GYPB: variants seen among roughly 807,000 people sequenced by gnomAD.
GYPB encodes the protein glycophorin-B.
In GYPB, 13 loss-of-function variants were observed where a neutral mutation model predicts 15.3. That is an observed-to-expected ratio of 0.85 (90% CI 0.55 to 1.35). The LOEUF is 1.35. GYPB is among the 40% of genes most tolerant of loss of function. The pLI, the probability that GYPB is intolerant of heterozygous loss-of-function variation, is 0.00. For missense variants in GYPB, 131 were observed against 108.3 expected (o/e 1.21, Z -0.93); for synonymous variants, 38 against 36.9 (o/e 1.03, Z -0.11).
At chr4:143,997,508 A>G (rs1727383239) in intron 4 of GYPB, 32 bp downstream of exon 4, 3 of 1,261,086 alleles carry the variant, frequency 2.4e-6, no homozygotes, top group Non-Finnish European at 3.5e-6. Context: ...TCACACTGGT[A>G]TTTAGAGCAA....
chr4:144,013,470 G>A (rs552677813), intron 1 of GYPB, among the ~76,000 whole-genome samples: 10 of 151,332 alleles, frequency 6.6e-5, no homozygotes, highest in South Asian at 2.1e-4. Flanking sequence ...ACATGCACAC[G>A]TATGTTTATT....
intron 1 of GYPB, among the ~76,000 whole-genome samples, chr4:144,008,215 A>G (rs1315642196): frequency 6.6e-6 from 1 of 151,502 alleles, no homozygotes; most frequent in Non-Finnish European, 1.5e-5. Context: ...CTATGTAACT[A>G]CAGAACTGTC....
chr4:143,999,326 TAG>T (rs1219104408), intron 3 of GYPB, 83 bp downstream of exon 3: 1 of 731,228 alleles, frequency 1.4e-6, no homozygotes, highest in Non-Finnish European at 2.4e-6. Context: ...TGTTTTAAGA[TAG>T]ACACATTTTC....
intron 1 of GYPB, among the ~76,000 whole-genome samples, chr4:144,015,275 AT>A (rs1172588227): frequency 6.6e-6 from 1 of 151,232 alleles, no homozygotes; most frequent in African/African-American, 2.5e-5. Flanking sequence ...TAAGCCCGGA[AT>A]TTTTTTTCAA....
At chr4:144,016,140 GAAAAA>G (rs10594193) in intron 1 of GYPB, among the ~76,000 whole-genome samples, 2,199 of 38,924 alleles carry the variant, frequency 0.056, 29 homozygotes, top group African/African-American at 0.064. Context: ...TTGGATCCCT[GAAAAA>G]AAAAAAAAAA....
chr4:143,997,741 A>T, intron 3 of GYPB, 107 bp from the exon 4 acceptor site: 1 of 696,682 alleles, frequency 1.4e-6, no homozygotes, highest in South Asian at 1.5e-5. Flanking sequence ...TTTAATACAA[A>T]GTACAGTTAA....
chr4:143,998,261 ATATGT>A (rs1204306846), intron 3 of GYPB, among the ~76,000 whole-genome samples: 2 of 151,490 alleles, frequency 1.3e-5, no homozygotes, highest in Non-Finnish European at 2.9e-5. Flanking sequence ...TAAGTCATTT[ATATGT>A]TGGGAATGAA....
chr4:143,996,255 G>T lies in GYPB; in HGVS notation c.*44C>A, dbSNP rs1464191880. 5.8e-6 allele frequency: 9 copies of T among 1,550,490 alleles called. No individual in the cohort carries two copies. In the African/African-American group the frequency reaches 1.2e-4, roughly 22 times the overall value. On this transcript the variant is annotated 3_prime_UTR_variant, in exon 5 of 5. Transcript: ENST00000502664. ...TTGCATAAACAAGAGAACAGCAGGT[G>T]CAGCCGGTTCTAGGCAAGATCAGGC...
chr4:143,997,487 C>T (rs1727382074), intron 4 of GYPB, 53 bp downstream of exon 4: 3 of 968,400 alleles, frequency 3.1e-6, no homozygotes, highest in African/African-American at 3.3e-5. Context: ...AATAAACCCT[C>T]CTAGAGCTGT....
At chr4:144,008,171 C>T (rs1018791425) in intron 1 of GYPB, among the ~76,000 whole-genome samples, 3 of 151,484 alleles carry the variant, frequency 2.0e-5, no homozygotes, top group African/African-American at 7.4e-5. Flanking sequence ...TTCACACAGC[C>T]GCCAAGTGGC....
chr4:143,999,435 GT>G lies in GYPB; in HGVS notation c.150del (p.Gln50HisfsTer12). On this transcript the variant is annotated frameshift_variant, in exon 3 of 5. Transcript: ENST00000502664. LOFTEE classifies it high-confidence loss of function. Reference sequence around the variant, plus strand: ...CCTGGTACAGTGAAACGATGGACAAGTTGTCCCGTTTCTCCTATAAAGCAAA... The same window carrying G: ...CCTGGTACAGTGAAACGATGGACAAGTGTCCCGTTTCTCCTATAAAGCAAA... ...ISSQTNGETGQLVHRFTVPAP... is the reference protein window; with the variant it reads ...ISSQTNGETGXLVHRFTVPAP... The G allele has an allele frequency of 6.5e-7, 1 of 1,538,982 alleles. No homozygotes were observed. The highest frequency in any genetic ancestry group is 1.1e-5 in the South Asian group (1 of 88,152).
chr4:144,009,601 C>CTT (rs55807150), intron 1 of GYPB, among the ~76,000 whole-genome samples: 5 of 57,804 alleles, frequency 8.6e-5, no homozygotes, highest in Non-Finnish European at 1.1e-4. Flanking sequence ...TTTTTTCTTT[C>CTT]TTTTTTTTTT....
intron 1 of GYPB, among the ~76,000 whole-genome samples, chr4:144,008,709 T>C (rs923967179): frequency 1.3e-5 from 2 of 151,512 alleles, no homozygotes; most frequent in African/African-American, 2.5e-5. Context: ...TAATTTCAAT[T>C]GAAAAGAAAA....
intron 3 of GYPB, among the ~76,000 whole-genome samples, 151 bp from the exon 4 acceptor site, chr4:143,997,785 T>C (rs1459686167): frequency 2.0e-5 from 3 of 151,494 alleles, no homozygotes; most frequent in Non-Finnish European, 2.9e-5. Context: ...TTTTTTTAAA[T>C]TGTGTGCTTT....
rs147719799 is a variant in GYPB at position 143,997,602 on chromosome 4, C to A, written c.208G>T (p.Val70Leu). Residue 70 changes from valine (V) to leucine (L), a missense_variant, in exon 4 of 5, where the codon GTG (valine) becomes TTG (leucine). Physicochemically the swap from Val to Leu is conservative, Grantham distance 32. Transcript: ENST00000502664. ...PVVIILIILC[V>L]MAGIIGTILL... ...ATCGTTCCAATAATACCAGCCATCA[C>A]ACACAAAATAATGAGTATTATCACT... is the stretch of plus-strand genomic sequence containing the variant. 819 of 1,595,306 alleles carry A rather than the reference C, an allele frequency of 5.1e-4. 12 individuals carry two copies. The East Asian group carries it at 0.012, about 23-fold the overall frequency.
At chr4:143,999,715 T>A (rs1727522139) in intron 2 of GYPB, among the ~76,000 whole-genome samples, 1 of 151,422 alleles carries the variant, frequency 6.6e-6, no homozygotes, top group African/African-American at 2.5e-5. Flanking sequence ...GGGAAAGGAA[T>A]GAGAAAGTAT....
chr4:144,012,048 A>G (rs1362663415), intron 1 of GYPB, among the ~76,000 whole-genome samples: 106 of 152,180 alleles, frequency 7.0e-4, no homozygotes, highest in Middle Eastern at 3.4e-3. Context: ...AGGCCTCCAG[A>G]ATTTAAAAAC....
intron 1 of GYPB, among the ~76,000 whole-genome samples, chr4:144,013,269 A>G (rs1184503211): frequency 6.6e-6 from 1 of 150,978 alleles, no homozygotes; most frequent in Non-Finnish European, 1.5e-5. Flanking sequence ...TCAGGAAACA[A>G]CAGGTGCTGG....
At chr4:143,996,332 C>A in intron 4 of GYPB, 28 bp from the exon 5 acceptor site, 1 of 1,550,328 alleles carries the variant, frequency 6.5e-7, no homozygotes, top group Non-Finnish European at 8.7e-7. Context: ...GAAGTTTCCA[C>A]TTCAGCCTCT....
Sources: gnomAD v4.1 joint callset for allele counts (sites outside exome capture counted in the v4.1 genomes callset) on GRCh38, gnomAD v4.1.1 for gene constraint, MANE v1.5 for transcripts, NCBI Gene and HGNC (gene_info 2026-07-23, HGNC 2026-07-21) for gene names.